TPST1: variants seen among roughly 807,000 people sequenced by gnomAD.
TPST1 encodes protein-tyrosine sulfotransferase 1.
In TPST1, 20 loss-of-function variants were observed where a neutral mutation model predicts 34.8. That is an observed-to-expected ratio of 0.57 (90% CI 0.40 to 0.84). TPST1 has a LOEUF of 0.84. TPST1 is among the 40% of genes least tolerant of loss of function. TPST1 has a pLI of 0.00. For synonymous variants in TPST1, 152 were observed against 159.4 expected, an observed-to-expected ratio of 0.95 and a Z score of 0.35; for missense variants, 353 against 455.5, an observed-to-expected ratio of 0.78 and a Z score of 2.05.
intron 3 of TPST1, among the ~76,000 whole-genome samples, chr7:66,306,063 A>G (rs1791416704): frequency 6.6e-6 from 1 of 152,214 alleles, no homozygotes; most frequent in Non-Finnish European, 1.5e-5. Flanking sequence ...AATAGAATAC[A>G]ACAAAGGCGA....
intron 2 of TPST1, among the ~76,000 whole-genome samples, chr7:66,241,474 A>T (rs1451175918): frequency 6.6e-6 from 1 of 151,956 alleles, no homozygotes; most frequent in East Asian, 1.9e-4. Flanking sequence ...ACAGATGTTC[A>T]CTTATTTATA....
At chr7:66,344,406 A>T (rs1792300043) in intron 3 of TPST1, 1 of 152,192 alleles carries the variant, frequency 6.6e-6, no homozygotes, top group African/African-American at 2.4e-5. Context: ...TGAAGCATAG[A>T]AAAAACATTT....
intron 1 of TPST1, among the ~76,000 whole-genome samples, chr7:66,231,696 G>A (rs1789799048): frequency 6.6e-6 from 1 of 152,242 alleles, no homozygotes; most frequent in Non-Finnish European, 1.5e-5. Flanking sequence ...ACCACGGGCA[G>A]CACTGGTTCC....
At chr7:66,286,445 T>G in intron 2 of TPST1, 66 bp from the exon 3 acceptor site, 1 of 1,211,406 alleles carries the variant, frequency 8.3e-7, no homozygotes, top group Non-Finnish European at 1.1e-6. Context: ...TAATTTATAG[T>G]GGTTTTAAAG....
intron 1 of TPST1, among the ~76,000 whole-genome samples, chr7:66,206,086 AG>A (rs1789123075): frequency 6.7e-6 from 1 of 148,684 alleles, no homozygotes; most frequent in African/African-American, 2.5e-5. Context: ...TTAAACCTCC[AG>A]ACACTTTCCC....
rs533143142 is a variant in TPST1 at position 66,248,793 on chromosome 7, G to A, written c.845+7523G>A. On this transcript the variant is annotated intron_variant, in intron 2 of 5. Transcript: ENST00000304842. ...CTCCCAAAGTGCTGGGATTATAGGC[G>A]TGAGCCACCGTGCCTGGCTCAAAAC... Among the ~76,000 whole-genome samples the A allele has an allele frequency of 1.4e-4, 22 of 152,268 alleles. 1 individual carries two copies. In the South Asian group the frequency reaches 2.3e-3, roughly 16 times the overall value.
chr7:66,218,475 G>A (rs1789471266), intron 1 of TPST1, among the ~76,000 whole-genome samples: 1 of 152,136 alleles, frequency 6.6e-6, no homozygotes, highest in Admixed American at 6.5e-5. Context: ...ACAGTACATG[G>A]TTGTACATGT....
In TPST1 at chr7:66,240,619, A is replaced by T; in HGVS notation, c.194A>T (p.Tyr65Phe). The T allele has an allele frequency of 6.2e-7, 1 of 1,614,214 alleles. No individual in the cohort carries two copies. The highest frequency in any genetic ancestry group is 1.1e-5 in the South Asian group (1 of 91,080). Residue 65 changes from tyrosine (Y) to phenylalanine (F), a missense_variant, in exon 2 of 6, where the codon TAT (tyrosine) becomes TTT (phenylalanine). Coordinates refer to ENST00000304842, the MANE Select transcript of TPST1 (RefSeq NM_003596.4). ...CTCAAAGCCAACAAAACCTTTGCCT[A>T]TCACAAAGATATGCCTTTAATATTT... ...LDLKANKTFA[Y>F]HKDMPLIFIG...
chr7:66,299,294 C>T lies in TPST1; in HGVS notation c.1044+12585C>T, dbSNP rs1055569830. The stretch of plus-strand genomic sequence containing the variant: ...TAAAGACATGTTGACTACTAATGCT[C>T]TTAGGTTTTTTTTTTTTTTTTTAAT... On this transcript the variant is annotated intron_variant, in intron 3 of 5. Coordinates refer to ENST00000304842, the MANE Select transcript of TPST1 (RefSeq NM_003596.4). Among the ~76,000 whole-genome samples, 40 of 83,748 alleles carry T rather than the reference C, an allele frequency of 4.8e-4. 1 individual carries two copies. In the East Asian group the frequency reaches 8.8e-3, roughly 18 times the overall value. 54.9% of individuals were successfully genotyped at this position (83,748 alleles called of 152,430 possible).
At chr7:66,284,843 C>T (rs1460791659) in intron 2 of TPST1, among the ~76,000 whole-genome samples, 1 of 152,100 alleles carries the variant, frequency 6.6e-6, no homozygotes, top group Non-Finnish European at 1.5e-5. Context: ...TAAAAATTAT[C>T]TTTGGAATTT....
chr7:66,234,895 G>A (rs1279399009), intron 1 of TPST1, among the ~76,000 whole-genome samples: 3 of 151,996 alleles, frequency 2.0e-5, no homozygotes, highest in Admixed American at 6.6e-5. Context: ...GGATGGTCTC[G>A]ATCTCCTGAC....
At chr7:66,220,747 G>A (rs543353466) in intron 1 of TPST1, among the ~76,000 whole-genome samples, 89 of 80,604 alleles carry the variant, frequency 1.1e-3, no homozygotes, top group African/African-American at 4.8e-3. Context: ...TTGTACTAAC[G>A]TTATGGTGAG....
intron 2 of TPST1, among the ~76,000 whole-genome samples, chr7:66,280,166 C>T (rs992360249): frequency 5.3e-5 from 8 of 152,254 alleles, no homozygotes; most frequent in Non-Finnish European, 1.0e-4. Flanking sequence ...ACCTCACAGT[C>T]AGCTGGCTTC....
chr7:66,317,461 T>C (rs1791657324), intron 3 of TPST1, among the ~76,000 whole-genome samples: 1 of 152,204 alleles, frequency 6.6e-6, no homozygotes, highest in African/African-American at 2.4e-5. Context: ...ATCCTATGTT[T>C]TGTTTGTTTT....
intron 2 of TPST1, among the ~76,000 whole-genome samples, chr7:66,285,577 A>G (rs1272097588): frequency 1.3e-5 from 2 of 152,154 alleles, no homozygotes; most frequent in Non-Finnish European, 2.9e-5. Context: ...ATTATTCACT[A>G]AGAGGTTATA....
intron 1 of TPST1, among the ~76,000 whole-genome samples, chr7:66,210,112 G>T (rs1208946916): frequency 6.6e-6 from 1 of 152,188 alleles, no homozygotes; most frequent in Non-Finnish European, 1.5e-5. Flanking sequence ...GTGAGGCTAA[G>T]GGGTTAGATT....
At chr7:66,359,300 C>T (rs12537698) in intron 5 of TPST1, 1 of 148,914 alleles carries the variant, frequency 6.7e-6, no homozygotes, top group African/African-American at 2.5e-5. Flanking sequence ...GGTGCTGCCC[C>T]CTGGACACTT....
At chr7:66,296,676 G>GTTTTTTTTTTTTTTT (rs55888171) in intron 3 of TPST1, among the ~76,000 whole-genome samples, 1 of 92,142 alleles carries the variant, frequency 1.1e-5, no homozygotes, top group African/African-American at 4.4e-5. Context: ...TACTGGGTTG[G>GTTTTTTTTTTTTTTT]TTTTTTTTTT....
chr7:66,256,852 A>G (rs1273366130), intron 2 of TPST1, among the ~76,000 whole-genome samples: 7 of 152,164 alleles, frequency 4.6e-5, no homozygotes, highest in African/African-American at 1.4e-4. Context: ...CCCTTCCTCC[A>G]GGTCTCCAAA....
Sources: gnomAD v4.1 joint callset for allele counts (sites outside exome capture counted in the v4.1 genomes callset) on GRCh38, gnomAD v4.1.1 for gene constraint, MANE v1.5 for transcripts, NCBI Gene and HGNC (gene_info 2026-07-23, HGNC 2026-07-21) for gene names.